PARM1: variants seen among roughly 807,000 people sequenced by gnomAD.
The protein encoded by PARM1 is WSC4, cell wall integrity and stress response component 4 homolog.
Under a neutral mutation model 24.6 loss-of-function variants are expected in PARM1, and 14 were observed. The ratio of observed to expected loss-of-function variants is 0.57; its 90% CI spans 0.38 to 0.89. The LOEUF (loss-of-function observed/expected upper bound fraction) is 0.89, where lower values mean the gene tolerates loss of function less well. Ranked by LOEUF, PARM1 falls within the 40% of genes least tolerant of loss-of-function variation. The probability of loss-of-function intolerance (pLI) is 0.00; values close to 1 mark genes in which losing one functional copy is unlikely to be tolerated. For missense variants in PARM1, 362 were observed against 380.4 expected, an observed-to-expected ratio of 0.95 and a Z score of 0.40; for synonymous variants, 179 against 156.6, an observed-to-expected ratio of 1.14 and a Z score of -1.07.
rs1218499566 is a variant in PARM1, at chr4:75,040,798, G to A, written c.849-5365G>A. ...ATTTTTTTTAAATTATGACTCAGTA[G>A]CTACCACAAAGATATATTGTTTGCT... On this transcript the variant is annotated intron_variant, in intron 3 of 3. Transcript: ENST00000307428. 4.5e-4 allele frequency among the ~76,000 whole-genome samples: 69 copies of A among 152,038 alleles called. 1 individual carries two copies. Among genetic ancestry groups the A allele is most frequent in the Non-Finnish European group, 2.9e-5 (2 of 68,008 alleles).
At chr4:74,990,309 C>A (rs1157035859) in intron 1 of PARM1, among the ~76,000 whole-genome samples, 2 of 152,176 alleles carry the variant, frequency 1.3e-5, no homozygotes, top group Non-Finnish European at 2.9e-5. Context: ...CTGGGAGCAA[C>A]TGCAGTAGGT....
chr4:75,001,144 T>C (rs968814592), intron 1 of PARM1, among the ~76,000 whole-genome samples: 1 of 152,204 alleles, frequency 6.6e-6, no homozygotes, highest in African/African-American at 2.4e-5. Context: ...ATATGGCATG[T>C]AATAAGCATT....
chr4:74,986,533 T>C (rs779770183), intron 1 of PARM1, among the ~76,000 whole-genome samples: 1 of 152,166 alleles, frequency 6.6e-6, no homozygotes, highest in Non-Finnish European at 1.5e-5. Flanking sequence ...CAGAGAGGCA[T>C]TGTGCATATG....
At chr4:75,023,411 C>G (rs777191333) in intron 2 of PARM1, among the ~76,000 whole-genome samples, 11 of 152,180 alleles carry the variant, frequency 7.2e-5, no homozygotes, top group Non-Finnish European at 1.5e-4. Context: ...ATAGTAAGCA[C>G]TACATAAACG....
intron 1 of PARM1, among the ~76,000 whole-genome samples, chr4:74,934,354 G>A (rs1435829839): frequency 6.6e-6 from 1 of 152,220 alleles, no homozygotes; most frequent in East Asian, 1.9e-4. Flanking sequence ...AAGTCACATA[G>A]CGCAAACCGA....
intron 1 of PARM1, among the ~76,000 whole-genome samples, chr4:74,982,625 A>G: frequency 6.6e-6 from 1 of 152,118 alleles, no homozygotes; most frequent in Non-Finnish European, 1.5e-5. Flanking sequence ...GTGAATCCTA[A>G]GATTAGGGTT....
intron 1 of PARM1, among the ~76,000 whole-genome samples, chr4:74,994,708 G>T (rs1266475777): frequency 6.6e-6 from 1 of 151,838 alleles, no homozygotes; most frequent in Non-Finnish European, 1.5e-5. Flanking sequence ...CAGGAGAATT[G>T]CTTGAACCCA....
chr4:74,936,610 C>T (rs1208744686), intron 1 of PARM1, among the ~76,000 whole-genome samples: 2 of 151,850 alleles, frequency 1.3e-5, no homozygotes, highest in Non-Finnish European at 2.9e-5. Flanking sequence ...CCCGCCACCA[C>T]ACCCGTCTAA....
chr4:74,969,376 T>C (rs1160386034), intron 1 of PARM1: 3 of 152,102 alleles, frequency 2.0e-5, no homozygotes, highest in African/African-American at 7.2e-5. Flanking sequence ...TGCCAGAAAA[T>C]ATAGTACAGC....
intron 1 of PARM1, among the ~76,000 whole-genome samples, chr4:74,937,620 G>C (rs1410674064): frequency 6.6e-6 from 1 of 152,140 alleles, no homozygotes; most frequent in Non-Finnish European, 1.5e-5. Flanking sequence ...ATACCTATAG[G>C]TATACAGTGC....
rs1484086213 is a variant in PARM1 at position 75,006,395 on chromosome 4, TG to T, written c.44-6028del. ...CCTATGAGTGAGAACATGTGGAGTT[TG>T]GTTTTCTTTCTTCGTGATAGTTTGC... On this transcript the variant is annotated intron_variant, in intron 1 of 3. Coordinates refer to ENST00000307428, the MANE Select transcript of PARM1 (RefSeq NM_015393.4). Among the ~76,000 whole-genome samples, 55 of 151,560 alleles carry T rather than the reference TG, an allele frequency of 3.6e-4. 1 individual carries two copies. Among genetic ancestry groups the T allele is most frequent in the Admixed American group, 3.6e-3 (55 of 15,182 alleles).
intron 2 of PARM1, among the ~76,000 whole-genome samples, chr4:75,018,870 C>T (rs938897423): frequency 5.3e-5 from 8 of 152,146 alleles, no homozygotes; most frequent in African/African-American, 1.9e-4. Flanking sequence ...CCTGACAGAC[C>T]CAAAGCCAAG....
At chr4:75,038,604 T>C (rs944223862) in intron 3 of PARM1, among the ~76,000 whole-genome samples, 2 of 152,246 alleles carry the variant, frequency 1.3e-5, no homozygotes, top group African/African-American at 2.4e-5. Context: ...GTTTGGCAGT[T>C]TCGTTAGTGC....
chr4:74,941,700 A>G (rs1721313079), intron 1 of PARM1, among the ~76,000 whole-genome samples: 1 of 152,160 alleles, frequency 6.6e-6, no homozygotes, highest in African/African-American at 2.4e-5. Flanking sequence ...GTGGGTAATT[A>G]AGGTAACCTC....
At chr4:74,939,723 A>T (rs1721265598) in intron 1 of PARM1, among the ~76,000 whole-genome samples, 1 of 152,222 alleles carries the variant, frequency 6.6e-6, no homozygotes, top group African/African-American at 2.4e-5. Flanking sequence ...ACAGATGTTT[A>T]AAAAAATCCT....
intron 2 of PARM1, among the ~76,000 whole-genome samples, chr4:75,024,659 C>A (rs574903225): frequency 6.6e-6 from 1 of 152,296 alleles, no homozygotes; most frequent in Admixed American, 6.5e-5. Flanking sequence ...AGGACATATG[C>A]AAACTTTTCT....
intron 3 of PARM1, among the ~76,000 whole-genome samples, chr4:75,036,122 T>C (rs910806587): frequency 3.9e-5 from 6 of 152,234 alleles, no homozygotes; most frequent in Admixed American, 3.9e-4. Context: ...AGAGTCATTT[T>C]AGAATCACCA....
chr4:74,964,578 CAT>C (rs1437015552), intron 1 of PARM1, among the ~76,000 whole-genome samples: 2 of 140,616 alleles, frequency 1.4e-5, no homozygotes, highest in East Asian at 3.8e-4. Flanking sequence ...CACACACACA[CAT>C]TGCATCCTTC....
At chr4:74,949,742 TAGACA>T (rs1479287246) in intron 1 of PARM1, among the ~76,000 whole-genome samples, 1 of 151,970 alleles carries the variant, frequency 6.6e-6, no homozygotes, top group African/African-American at 2.4e-5. Context: ...GAAGAGAGCC[TAGACA>T]AGACAGTAAA....
Sources: gnomAD v4.1 joint callset for allele counts (sites outside exome capture counted in the v4.1 genomes callset) on GRCh38, gnomAD v4.1.1 for gene constraint, MANE v1.5 for transcripts, NCBI Gene and HGNC (gene_info 2026-07-23, HGNC 2026-07-21) for gene names.